Variants in TMPRSS6 observed in about 807,000 individuals in gnomAD.
The protein encoded by TMPRSS6 is transmembrane protease serine 6.
In TMPRSS6, 67 loss-of-function variants were observed where a neutral mutation model predicts 101.5. That is an observed-to-expected ratio of 0.66 (90% CI 0.54 to 0.81). TMPRSS6 has a LOEUF of 0.81. TMPRSS6 is among the 30% of genes least tolerant of loss of function. The pLI, the probability that TMPRSS6 is intolerant of heterozygous loss-of-function variation, is 0.00. For missense variants in TMPRSS6, 1,034 were observed against 1,088.7 expected, an observed-to-expected ratio of 0.95 and a Z score of 0.71; for synonymous variants, 453 against 464.9, an observed-to-expected ratio of 0.97 and a Z score of 0.33.
In TMPRSS6 at chr22:37,098,506, ACT is replaced by A; in HGVS notation, c.244_245del (p.Leu83AlafsTer17). The A allele has an allele frequency of 6.2e-7, 1 of 1,614,086 alleles. No homozygotes were observed. Among genetic ancestry groups the A allele is most frequent in the South Asian group, 1.1e-5 (1 of 91,078 alleles). On this transcript the variant is annotated frameshift_variant, in exon 3 of 18. Coordinates refer to ENST00000676104, the MANE Select transcript of TMPRSS6 (RefSeq NM_001374504.1). LOFTEE classifies it high-confidence loss of function. ...AGAAGTGGCGATTGAGTACACGCAG[ACT>A]GCCTGAGTACACCTGGCTGACCATC... is the stretch of plus-strand genomic sequence containing the variant. ...EVMVSQVYSG[S>X]LRVLNRHFSQ...
intron 10 of TMPRSS6, chr22:37,084,057 C>G (rs1197999922): frequency 3.3e-6 from 2 of 599,170 alleles, no homozygotes; most frequent in Non-Finnish European, 6.1e-6. Context: ...TGTCTGATGA[C>G]CAAACGTGTC....
chr22:37,070,395 C>G (rs1385945114), intron 15 of TMPRSS6, 89 bp downstream of exon 15: 3 of 1,548,496 alleles, frequency 1.9e-6, no homozygotes, highest in Non-Finnish European at 2.7e-6. Context: ...TTCCCTCTAT[C>G]TGCAAAGAGC....
chr22:37,087,455 C>T (rs950109695), intron 7 of TMPRSS6, among the ~76,000 whole-genome samples: 5 of 152,206 alleles, frequency 3.3e-5, no homozygotes, highest in Non-Finnish European at 7.4e-5. Context: ...AGCCTGCAGC[C>T]AGCTGGAGGC....
intron 10 of TMPRSS6, among the ~76,000 whole-genome samples, chr22:37,081,211 G>A (rs1928242073): frequency 6.6e-6 from 1 of 152,242 alleles, no homozygotes; most frequent in South Asian, 2.1e-4. Flanking sequence ...GATGAACGCA[G>A]GTTTGTTGCA....
Position 37,103,728 on chromosome 22 carries a change from C to G in TMPRSS6, c.-1-310G>C, listed in dbSNP as rs1930533356. On this transcript the variant is annotated intron_variant, in intron 1 of 17. Transcript: ENST00000676104. This position sits in a 1 kb window ranked among gnomAD's most constrained non-coding sequence, Gnocchi z 4.4. The stretch of plus-strand genomic sequence containing the variant: ...GAGGTCTCAGTACCTAAACACCCAC[C>G]TCCCTAGAGGCTGCACCCACAGACA... The G allele has an allele frequency of 2.6e-6, 2 of 759,468 alleles. No homozygotes were observed. The highest frequency in any genetic ancestry group is 1.7e-5 in the African/African-American group (1 of 58,350). The allele number at this position is 759,468 out of a possible 1,614,324, so 47.0% of individuals were successfully genotyped here. A position where few individuals can be genotyped will look rare whatever the true frequency, so the allele number is the denominator to read the frequency against.
intron 13 of TMPRSS6, 31 bp from the exon 14 acceptor site, chr22:37,071,063 G>A (rs200015272): frequency 6.2e-7 from 1 of 1,601,704 alleles, no homozygotes; most frequent in East Asian, 2.2e-5. Context: ...GCAGGGCACA[G>A]AAGGTGGGTC....
intron 6 of TMPRSS6, among the ~76,000 whole-genome samples, chr22:37,095,003 T>C (rs548948542): frequency 1.3e-5 from 2 of 152,212 alleles, no homozygotes; most frequent in East Asian, 1.9e-4. Flanking sequence ...AGCTGAAAGA[T>C]TGTGGGTCCG....
chr22:37,107,539 G>C (rs925491416), intron 1 of TMPRSS6, among the ~76,000 whole-genome samples: 4 of 143,486 alleles, frequency 2.8e-5, no homozygotes, highest in Admixed American at 7.3e-5. Flanking sequence ...CTGTCACCTC[G>C]ACTCCTGCAA....
At chr22:37,074,766 C>T (rs1171333288) in intron 11 of TMPRSS6, 58 bp from the exon 12 acceptor site, 5 of 1,563,946 alleles carry the variant, frequency 3.2e-6, no homozygotes, top group African/African-American at 2.7e-5. Context: ...CATGCGTAGC[C>T]GCGAAGGCGC....
chr22:37,083,889 C>T (rs1293987787), intron 10 of TMPRSS6: 1 of 457,562 alleles, frequency 2.2e-6, no homozygotes, highest in Non-Finnish European at 3.9e-6. Context: ...GGAGAGGCAC[C>T]TCTGATGGTA....
chr22:37,078,392 G>A (rs895481092), intron 10 of TMPRSS6, among the ~76,000 whole-genome samples: 6 of 152,172 alleles, frequency 3.9e-5, no homozygotes, highest in Non-Finnish European at 7.3e-5. Context: ...TCTGTAGCTG[G>A]CAGCAACCTT....
intron 3 of TMPRSS6, among the ~76,000 whole-genome samples, chr22:37,097,164 T>C (rs776517050): frequency 6.6e-6 from 1 of 152,244 alleles, no homozygotes; most frequent in Non-Finnish European, 1.5e-5. Context: ...GTTCGTGTTA[T>C]CTCAACTTCA....
chr22:37,091,131 G>A (rs1929224229), intron 6 of TMPRSS6, among the ~76,000 whole-genome samples: 1 of 152,110 alleles, frequency 6.6e-6, no homozygotes, highest in Non-Finnish European at 1.5e-5. Flanking sequence ...ACTGTGCACC[G>A]ACTGTGTGTT....
chr22:37,067,467 C>CA (rs944327986), intron 16 of TMPRSS6, among the ~76,000 whole-genome samples: 3 of 151,388 alleles, frequency 2.0e-5, no homozygotes, highest in Non-Finnish European at 2.9e-5. Context: ...AACTCTGTCT[C>CA]AAAAAAACAA....
intron 7 of TMPRSS6, among the ~76,000 whole-genome samples, chr22:37,088,306 C>G (rs1285710456): frequency 6.6e-6 from 1 of 152,074 alleles, no homozygotes; most frequent in East Asian, 1.9e-4. Context: ...TTGGAGAGGC[C>G]CTGGGGGAGG....
Position 37,065,993 on chromosome 22 carries a change from C to T in TMPRSS6, c.*87G>A, listed in dbSNP as rs1295479050. On this transcript the variant is annotated 3_prime_UTR_variant, in exon 18 of 18. Coordinates refer to ENST00000676104, the MANE Select transcript of TMPRSS6 (RefSeq NM_001374504.1). ...AGGGCCTGCTCTCTCCCCCACCCCC[C>T]GCCAGAATACTTGTCCCCCTGCTTG... 2.9e-5 allele frequency: 46 copies of T among 1,580,444 alleles called. 1 individual carries two copies. Among genetic ancestry groups the T allele is most frequent in the South Asian group, 8.9e-5 (8 of 89,866 alleles).
intron 10 of TMPRSS6, among the ~76,000 whole-genome samples, chr22:37,080,803 C>A (rs1462533782): frequency 6.6e-6 from 1 of 152,248 alleles, no homozygotes; most frequent in East Asian, 1.9e-4. Context: ...CAGAAACTGT[C>A]GATCCCCCCA....
chr22:37,070,379 C>T, intron 15 of TMPRSS6, 105 bp downstream of exon 15: 2 of 1,473,178 alleles, frequency 1.4e-6, no homozygotes, highest in Non-Finnish European at 1.9e-6. Context: ...GGGGGGTCCA[C>T]CACCCTTCCC....
intron 10 of TMPRSS6, among the ~76,000 whole-genome samples, chr22:37,079,626 A>G (rs1049097475): frequency 6.6e-6 from 1 of 152,204 alleles, no homozygotes; most frequent in Non-Finnish European, 1.5e-5. Context: ...GCAGAGCTGA[A>G]TTGGCAGCCT....
Sources: gnomAD v4.1 joint callset for allele counts (sites outside exome capture counted in the v4.1 genomes callset) on GRCh38, gnomAD v4.1.1 for gene constraint, Gnocchi (gnomAD v3.1) non-coding constraint, MANE v1.5 for transcripts, NCBI Gene and HGNC (gene_info 2026-07-23, HGNC 2026-07-21) for gene names.